Variants in ANO2 observed in about 807,000 individuals in gnomAD.
ANO2 encodes anoctamin 2.
In ANO2, 101 loss-of-function variants were observed where a neutral mutation model predicts 124.2. That is an observed-to-expected ratio of 0.81 (90% CI 0.69 to 0.96). The LOEUF is 0.96. Ranked by LOEUF, ANO2 falls within the 40% of genes least tolerant of loss-of-function variation. The probability of loss-of-function intolerance (pLI) is 0.00; values close to 1 mark genes in which losing one functional copy is unlikely to be tolerated. For synonymous variants in ANO2, 486 were observed against 482.5 expected (o/e 1.01, Z -0.09); for missense variants, 1,293 against 1,274.5 (o/e 1.01, Z -0.22).
intron 4 of ANO2, among the ~76,000 whole-genome samples, chr12:5,834,677 A>G (rs1954263488): frequency 6.6e-6 from 1 of 152,230 alleles, no homozygotes; most frequent in Admixed American, 6.5e-5. Flanking sequence ...ATGCATTTTG[A>G]TTTAATTTCA....
chr12:5,758,835 C>CAAATA (rs995702762), intron 10 of ANO2, among the ~76,000 whole-genome samples: 11 of 152,142 alleles, frequency 7.2e-5, no homozygotes, highest in Admixed American at 3.3e-4. Context: ...ATTCAATAAA[C>CAAATA]AAATAAAATA....
chr12:5,784,311 T>G (rs1040442930), intron 10 of ANO2, among the ~76,000 whole-genome samples: 1 of 152,242 alleles, frequency 6.6e-6, no homozygotes, highest in African/African-American at 2.4e-5. Flanking sequence ...ACATATTGTG[T>G]CTCAGCATTC....
chr12:5,917,345 T>G (rs959470296), intron 3 of ANO2, among the ~76,000 whole-genome samples: 2 of 107,518 alleles, frequency 1.9e-5, no homozygotes, highest in Non-Finnish European at 3.9e-5. Flanking sequence ...TCCCCAATAT[T>G]TCATTGTACA....
intron 20 of ANO2, among the ~76,000 whole-genome samples, chr12:5,583,583 G>A (rs1942889978): frequency 6.9e-6 from 1 of 145,922 alleles, no homozygotes; most frequent in Admixed American, 7.1e-5. Flanking sequence ...AACCTGGGAG[G>A]CGGAGCTTGC....
chr12:5,698,775 T>C (rs1949290014), intron 14 of ANO2, among the ~76,000 whole-genome samples: 1 of 152,176 alleles, frequency 6.6e-6, no homozygotes, highest in Non-Finnish European at 1.5e-5. Context: ...CTGAAAACCA[T>C]GGCACGAGAA....
chr12:5,658,453 A>T lies in ANO2; in HGVS notation c.1546-10652T>A, dbSNP rs948832624. On this transcript the variant is annotated intron_variant, in intron 14 of 24. Transcript: ENST00000682330. The surrounding 1 kb of genome is among the most constrained non-coding windows in gnomAD (Gnocchi z 4.3). Reference sequence around the variant, plus strand: ...CATCAAAATTAACATAATCATCAACATCATCATCATATCATCACTATCATC... The same window carrying T: ...CATCAAAATTAACATAATCATCAACTTCATCATCATATCATCACTATCATC... Among the ~76,000 whole-genome samples the T allele has an allele frequency of 3.5e-5, 1 of 28,200 alleles. No individual in the cohort carries two copies. The highest frequency in any genetic ancestry group is 6.8e-5 in the African/African-American group (1 of 14,600). 18.5% of individuals were successfully genotyped at this position (28,200 alleles called of 152,430 possible).
At chr12:5,634,656 T>C (rs929542343) in intron 16 of ANO2, among the ~76,000 whole-genome samples, 2 of 152,222 alleles carry the variant, frequency 1.3e-5, no homozygotes, top group African/African-American at 4.8e-5. Context: ...CTTTGAAGTC[T>C]ACTCAGTGCC....
At chr12:5,720,165 A>G (rs1010754512) in intron 14 of ANO2, among the ~76,000 whole-genome samples, 2 of 152,128 alleles carry the variant, frequency 1.3e-5, no homozygotes, top group Non-Finnish European at 2.9e-5. Flanking sequence ...ATGGAGAAGG[A>G]GGTTTTTGCA....
chr12:5,788,173 A>G (rs11063866), intron 10 of ANO2, among the ~76,000 whole-genome samples: 21,729 of 152,158 alleles, frequency 0.14, 1,698 homozygotes, highest in African/African-American at 0.2. Context: ...AAATGTGCAC[A>G]CCTGGGGCAA....
At chr12:5,690,114 A>AAC (rs1429228312) in intron 14 of ANO2, among the ~76,000 whole-genome samples, 1 of 152,070 alleles carries the variant, frequency 6.6e-6, no homozygotes, top group Non-Finnish European at 1.5e-5. Context: ...GAAACAGTTG[A>AAC]CTGGCTGGAG....
In ANO2 at chr12:5,763,604, T is replaced by A. The variant is rs368107689; in HGVS notation, c.1056-12634A>T. On this transcript the variant is annotated intron_variant, in intron 10 of 24. Transcript: ENST00000682330. ...AAACAACATCCTTCTAAATAACCTA[T>A]GGATCAAAGAAGAAATCACAAAGAA... 1.1e-4 allele frequency among the ~76,000 whole-genome samples: 16 copies of A among 152,190 alleles called. No individual in the cohort carries two copies. In the South Asian group the frequency reaches 1.7e-3, roughly 16 times the overall value.
chr12:5,905,569 C>T (rs1008847223), intron 3 of ANO2, among the ~76,000 whole-genome samples: 5 of 152,106 alleles, frequency 3.3e-5, no homozygotes, highest in Middle Eastern at 3.2e-3. Context: ...TGGAAAAGAT[C>T]CCACCACCAG....
At chr12:5,914,295 C>A (rs1156893689) in intron 3 of ANO2, among the ~76,000 whole-genome samples, 1 of 152,180 alleles carries the variant, frequency 6.6e-6, no homozygotes, top group Non-Finnish European at 1.5e-5. Context: ...CGATGTCACA[C>A]ACCCAAGATA....
rs369114987 is a variant in ANO2, at chr12:5,578,431, C to T, written c.2321G>A (p.Arg774Gln). The change falls in exon 21 of 25, where the codon CGG becomes CAG. Residue 774 changes from arginine to glutamine, a missense_variant. Transcript: ENST00000682330. ...FALLNNVIEV[R>Q]LDAKKFVTEL... ...TGTAACAAACTTCTTTGCATCGAGC[C>T]GCACTTCAATGACGTTGTTGAGGAG... The T allele has an allele frequency of 5.0e-5, 80 of 1,613,840 alleles. No homozygotes were observed. Among genetic ancestry groups the T allele is most frequent in the Non-Finnish European group, 5.9e-5 (70 of 1,179,888 alleles).
intron 20 of ANO2, among the ~76,000 whole-genome samples, chr12:5,586,095 C>T (rs77412377): frequency 6.6e-6 from 1 of 152,256 alleles, no homozygotes; most frequent in Non-Finnish European, 1.5e-5. Flanking sequence ...GCCTTCCCTC[C>T]ATTCCTTCCT....
In ANO2 at chr12:5,853,168, T is replaced by TTTC. The variant is rs1375900346; in HGVS notation, c.633+874_633+875insGAA. ...TCACCTAGAAATTCCCTGGGTAGAT[T>TTTC]TTTTTTTTTTTTTGGTAGAGGTGGG... On this transcript the variant is annotated intron_variant, in intron 4 of 24. Transcript: ENST00000682330. Among the ~76,000 whole-genome samples the TTTC allele has an allele frequency of 1.0e-4, 15 of 150,102 alleles. No individual in the cohort carries two copies. The East Asian group carries it at 2.5e-3, about 25-fold the overall frequency.
chr12:5,912,057 A>G (rs1341232920), intron 3 of ANO2, among the ~76,000 whole-genome samples: 3 of 152,224 alleles, frequency 2.0e-5, no homozygotes, highest in Non-Finnish European at 4.4e-5. Flanking sequence ...CAAAGCCCAG[A>G]AACCTCCTTC....
intron 14 of ANO2, among the ~76,000 whole-genome samples, chr12:5,667,156 G>A (rs571521598): frequency 1.3e-5 from 2 of 152,288 alleles, no homozygotes; most frequent in African/African-American, 4.8e-5. Flanking sequence ...CTTGGTTGAA[G>A]AAGGGACCTG....
chr12:5,637,418 G>A (rs1946082843), intron 15 of ANO2, among the ~76,000 whole-genome samples: 1 of 151,754 alleles, frequency 6.6e-6, no homozygotes, highest in Non-Finnish European at 1.5e-5. Context: ...AAAAAACAAT[G>A]GCAAAAACAT....
Sources: allele counts gnomAD v4.1 joint callset (sites outside exome capture counted in the v4.1 genomes callset), GRCh38; gene constraint gnomAD v4.1.1; non-coding constraint Gnocchi (gnomAD v3.1); transcripts MANE v1.5; gene names NCBI Gene and HGNC (gene_info 2026-07-23, HGNC 2026-07-21).